The following BTBD9 variants were observed in gnomAD, a reference collection of about 807,000 sequenced individuals.
BTBD9 encodes BTB domain containing 9.
BTBD9 carries 49 observed loss-of-function variants against 64.3 expected under a neutral mutation model. That is an observed-to-expected ratio of 0.76 (90% CI 0.61 to 0.97). The LOEUF is 0.97. Ranked by LOEUF, BTBD9 falls within the 50% of genes least tolerant of loss-of-function variation. The pLI is 0.00. For synonymous variants in BTBD9, 260 were observed against 274.7 expected (o/e 0.95, Z 0.53); for missense variants, 598 against 762.1 (o/e 0.78, Z 2.53).
At chr6:38,561,381 A>G (rs1775256449) in intron 6 of BTBD9, among the ~76,000 whole-genome samples, 1 of 152,192 alleles carries the variant, frequency 6.6e-6, no homozygotes. Context: ...CACTGTGGAA[A>G]GCAGTTTGGA....
At chr6:38,318,676 C>T (rs1226222321) in intron 7 of BTBD9, among the ~76,000 whole-genome samples, 5 of 152,194 alleles carry the variant, frequency 3.3e-5, no homozygotes, top group African/African-American at 2.4e-5. Flanking sequence ...ACACAAACAC[C>T]GCTGTGGCCA....
chr6:38,418,755 T>C (rs902026774), intron 6 of BTBD9, among the ~76,000 whole-genome samples: 1 of 152,210 alleles, frequency 6.6e-6, no homozygotes, highest in Non-Finnish European at 1.5e-5. Context: ...TAAGTTCTTT[T>C]AGACCTCAGG....
intron 9 of BTBD9, among the ~76,000 whole-genome samples, chr6:38,246,632 G>A (rs1764215546): frequency 6.6e-6 from 1 of 151,402 alleles, no homozygotes; most frequent in African/African-American, 2.4e-5. Context: ...GAACATGACT[G>A]GCTTTTTTCA....
intron 9 of BTBD9, among the ~76,000 whole-genome samples, chr6:38,228,768 G>A (rs896995750): frequency 1.3e-5 from 2 of 152,016 alleles, no homozygotes; most frequent in Admixed American, 1.3e-4. Context: ...CAGCTACTCA[G>A]GAGGCTGAGG....
chr6:38,304,321 G>A (rs1385162352), intron 7 of BTBD9, among the ~76,000 whole-genome samples: 1 of 152,048 alleles, frequency 6.6e-6, no homozygotes, highest in African/African-American at 2.4e-5. Context: ...GCCGAGGTGG[G>A]CGGATCACGA....
intron 6 of BTBD9, among the ~76,000 whole-genome samples, chr6:38,542,065 G>GTC (rs1774305692): frequency 6.6e-6 from 1 of 152,194 alleles, no homozygotes; most frequent in Non-Finnish European, 1.5e-5. Flanking sequence ...TGACTCTACA[G>GTC]CTGGACAGGT....
chr6:38,333,581 A>C (rs987419286), intron 7 of BTBD9, among the ~76,000 whole-genome samples: 1 of 151,874 alleles, frequency 6.6e-6, no homozygotes, highest in African/African-American at 2.4e-5. Context: ...GGTTGTCTGA[A>C]AGTGTGTAGC....
At chr6:38,335,221 C>T (rs1763845888) in intron 7 of BTBD9, among the ~76,000 whole-genome samples, 1 of 151,252 alleles carries the variant, frequency 6.6e-6, no homozygotes, top group South Asian at 2.1e-4. Context: ...TTATCTAGTC[C>T]CAAGTAGTTC....
At chr6:38,454,609 C>A (rs562278196) in intron 6 of BTBD9, among the ~76,000 whole-genome samples, 1 of 151,610 alleles carries the variant, frequency 6.6e-6, no homozygotes, top group East Asian at 1.9e-4. Context: ...CCAGCCTGGG[C>A]AACATAGTAA....
At chr6:38,495,088 G>A (rs1466584507) in intron 6 of BTBD9, among the ~76,000 whole-genome samples, 1 of 152,150 alleles carries the variant, frequency 6.6e-6, no homozygotes, top group Non-Finnish European at 1.5e-5. Context: ...ATGTTTTAAA[G>A]AATCATACCT....
intron 6 of BTBD9, among the ~76,000 whole-genome samples, chr6:38,546,412 T>C (rs1471125970): frequency 1.3e-5 from 2 of 152,244 alleles, no homozygotes; most frequent in African/African-American, 4.8e-5. Context: ...TGTACTAAAA[T>C]GTATCCCTAA....
chr6:38,284,625 A>G (rs1291561799), intron 8 of BTBD9, among the ~76,000 whole-genome samples: 1 of 152,156 alleles, frequency 6.6e-6, no homozygotes, highest in Non-Finnish European at 1.5e-5. Context: ...AGGGAAGAGT[A>G]TTCTGAGTTG....
At chr6:38,228,972 G>A (rs891184188) in intron 9 of BTBD9, among the ~76,000 whole-genome samples, 3 of 152,192 alleles carry the variant, frequency 2.0e-5, no homozygotes, top group Non-Finnish European at 4.4e-5. Context: ...GCTGAGGTGG[G>A]CGGATCATGA....
intron 6 of BTBD9, among the ~76,000 whole-genome samples, chr6:38,349,166 G>A (rs1009395213): frequency 1.3e-5 from 2 of 152,134 alleles, no homozygotes; most frequent in African/African-American, 2.4e-5. Flanking sequence ...GTGATTACAG[G>A]TGTGAGCCAC....
At chr6:38,517,811 A>C (rs1470840152) in intron 6 of BTBD9, among the ~76,000 whole-genome samples, 1 of 152,142 alleles carries the variant, frequency 6.6e-6, no homozygotes. Context: ...TAACACATCG[A>C]ATCCATTTCT....
chr6:38,559,448 A>G (rs78642430), intron 6 of BTBD9, among the ~76,000 whole-genome samples: 13,208 of 152,264 alleles, frequency 0.087, 659 homozygotes, highest in Non-Finnish European at 0.099. Flanking sequence ...GAATGGAAAA[A>G]CATTACATGC....
intron 9 of BTBD9, among the ~76,000 whole-genome samples, chr6:38,229,026 G>A (rs746751203): frequency 1.3e-4 from 20 of 151,800 alleles, no homozygotes; most frequent in Non-Finnish European, 2.6e-4. Flanking sequence ...GTGAAACCCC[G>A]TCTCTACTAA....
intron 2 of BTBD9, 133 bp downstream of exon 2, chr6:38,597,777 A>AT: frequency 1.3e-6 from 1 of 743,586 alleles, no homozygotes; most frequent in South Asian, 2.0e-5. Context: ...CAAGGATGAA[A>AT]TCTTCATAGA....
chr6:38,342,522 C>G (rs182466794), intron 7 of BTBD9, among the ~76,000 whole-genome samples: 3 of 130,256 alleles, frequency 2.3e-5, no homozygotes, highest in African/African-American at 9.0e-5. Context: ...GACAACAGAG[C>G]GAGACTCTGT....
Sources: gnomAD v4.1 joint callset for allele counts (sites outside exome capture counted in the v4.1 genomes callset) on GRCh38, gnomAD v4.1.1 for gene constraint, MANE v1.5 for transcripts, NCBI Gene and HGNC (gene_info 2026-07-23, HGNC 2026-07-21) for gene names.